The following DYNLT2B variants were observed in gnomAD, a reference collection of about 807,000 sequenced individuals.
DYNLT2B encodes the protein dynein light chain Tctex-type protein 2B.
Under a neutral mutation model 19.5 loss-of-function variants are expected in DYNLT2B, and 14 were observed. That is an observed-to-expected ratio of 0.72 (90% CI 0.47 to 1.12). The LOEUF is 1.12. DYNLT2B is among the 50% of genes most tolerant of loss of function. DYNLT2B has a pLI of 0.00. For synonymous variants in DYNLT2B, 70 were observed against 59.7 expected, an observed-to-expected ratio of 1.17 and a Z score of -0.79; for missense variants, 133 against 174.7, an observed-to-expected ratio of 0.76 and a Z score of 1.35.
chr3:196,300,028 G>A (rs1726312813), intron 3 of DYNLT2B, among the ~76,000 whole-genome samples: 1 of 152,142 alleles, frequency 6.6e-6, no homozygotes, highest in Admixed American at 6.6e-5. Flanking sequence ...TCAGAGAGTT[G>A]AAGATGCTGT....
At chr3:196,307,783 G>A (rs1442256582) in intron 2 of DYNLT2B, among the ~76,000 whole-genome samples, 2 of 150,280 alleles carry the variant, frequency 1.3e-5, no homozygotes, top group African/African-American at 4.9e-5. Context: ...GAACTCAAAG[G>A]AAAATAGAAA....
rs201613835 is a variant in DYNLT2B at position 196,317,181 on chromosome 3, G to T, written c.113+859C>A. Among the ~76,000 whole-genome samples, 17 of 66,406 alleles carry T rather than the reference G, an allele frequency of 2.6e-4. 1 individual carries two copies. Among genetic ancestry groups the T allele is most frequent in the East Asian group, 5.8e-4 (1 of 1,720 alleles). The allele number at this position is 66,406 out of a possible 152,430, so 43.6% of individuals were successfully genotyped here. A position where few individuals can be genotyped will look rare whatever the true frequency, so the allele number is the denominator to read the frequency against. On this transcript the variant is annotated intron_variant, in intron 1 of 4. Transcript: ENST00000325318. ...TGTGTGTGTGTGTGTGTGTGTGTGT[G>T]TTGTGTGTGTGTGTGTAAAGTTAGT...
intron 1 of DYNLT2B, among the ~76,000 whole-genome samples, chr3:196,316,805 GGT>G (rs138822134): frequency 7.4e-5 from 11 of 148,616 alleles, no homozygotes; most frequent in Admixed American, 1.4e-4. Flanking sequence ...GCAAATATGG[GGT>G]GTGTGTGTGT....
chr3:196,292,587 G>A (rs1726117673), intron 4 of DYNLT2B: 2 of 152,142 alleles, frequency 1.3e-5, no homozygotes, highest in African/African-American at 4.8e-5. Flanking sequence ...CTGCACAGAA[G>A]ATTACTTTGT....
Position 196,291,295 on chromosome 3 carries a change from T to G in DYNLT2B, c.*32A>C. On this transcript the variant is annotated 3_prime_UTR_variant, in exon 5 of 5. Coordinates refer to ENST00000325318, the MANE Select transcript of DYNLT2B (RefSeq NM_152773.5). ...TTAAAAAGTTCAGATTTCTTCATGG[T>G]CATGTCTTTTACCAGCTTTTCAAAG... 6.3e-7 allele frequency: 1 copy of G among 1,592,940 alleles called. No homozygotes were observed. Among genetic ancestry groups the G allele is most frequent in the East Asian group, 2.2e-5 (1 of 44,526 alleles).
chr3:196,307,423 C>T (rs974044108), intron 2 of DYNLT2B, among the ~76,000 whole-genome samples: 6 of 152,088 alleles, frequency 3.9e-5, no homozygotes, highest in African/African-American at 1.4e-4. Context: ...CTACCTCAGC[C>T]TCCTCAGTAG....
chr3:196,317,043 TGTTGTGTGGTGTG>T lies in DYNLT2B; in HGVS notation c.114-825_114-813del, dbSNP rs1278421496. On this transcript the variant is annotated intron_variant, in intron 1 of 4. Transcript: ENST00000325318. The stretch of plus-strand genomic sequence containing the variant: ...TTCAGTGTGTGTGTGTGTGTGTGTG[TGTTGTGTGGTGTG>T]TGTGTGGTGTGTGTGTGTGTGTGTG... Among the ~76,000 whole-genome samples, 11 of 123,436 alleles carry T rather than the reference TGTTGTGTGGTGTG, an allele frequency of 8.9e-5. 1 individual carries two copies. Among genetic ancestry groups the T allele is most frequent in the East Asian group, 2.8e-4 (1 of 3,548 alleles). The allele number at this position is 123,436 out of a possible 152,430, so 81.0% of individuals were successfully genotyped here. A position where few individuals can be genotyped will look rare whatever the true frequency, so the allele number is the denominator to read the frequency against.
intron 2 of DYNLT2B, among the ~76,000 whole-genome samples, chr3:196,312,284 C>T (rs995703015): frequency 6.6e-6 from 1 of 152,038 alleles, no homozygotes; most frequent in African/African-American, 2.4e-5. Context: ...TCCCAAAGTG[C>T]TGGGAATACA....
intron 2 of DYNLT2B, among the ~76,000 whole-genome samples, chr3:196,308,044 G>A (rs912942511): frequency 1.4e-5 from 2 of 142,554 alleles, no homozygotes; most frequent in Non-Finnish European, 3.0e-5. Context: ...TCGCACCATT[G>A]CACACTAGCC....
chr3:196,291,537 G>GGT (rs1726095898), intron 4 of DYNLT2B, among the ~76,000 whole-genome samples, 163 bp from the exon 5 acceptor site: 1 of 152,058 alleles, frequency 6.6e-6, no homozygotes, highest in South Asian at 2.1e-4. Flanking sequence ...GGAGTGCAGT[G>GGT]GTGTGATCTC....
At chr3:196,312,640 G>A (rs772703527) in intron 2 of DYNLT2B, among the ~76,000 whole-genome samples, 2 of 151,714 alleles carry the variant, frequency 1.3e-5, no homozygotes, top group Non-Finnish European at 2.9e-5. Flanking sequence ...TGTATTTTTC[G>A]TAGAGACGGG....
At chr3:196,311,317 A>C (rs1726636503) in intron 2 of DYNLT2B, among the ~76,000 whole-genome samples, 1 of 151,738 alleles carries the variant, frequency 6.6e-6, no homozygotes, top group Admixed American at 6.6e-5. Context: ...TGGGAGGCGG[A>C]GATGGGAGGA....
intron 4 of DYNLT2B, among the ~76,000 whole-genome samples, chr3:196,294,782 C>A (rs1726181691): frequency 6.6e-6 from 1 of 152,136 alleles, no homozygotes; most frequent in African/African-American, 2.4e-5. Context: ...GCTGCCCAGG[C>A]TGGAATGCAG....
chr3:196,312,148 G>A (rs1726660270), intron 2 of DYNLT2B, among the ~76,000 whole-genome samples: 1 of 152,190 alleles, frequency 6.6e-6, no homozygotes, highest in African/African-American at 2.4e-5. Context: ...CCTAAGTGCT[G>A]GGATTACAGG....
At chr3:196,317,180 T>TG (rs1726864953) in intron 1 of DYNLT2B, among the ~76,000 whole-genome samples, 3 of 84,452 alleles carry the variant, frequency 3.6e-5, no homozygotes, top group Admixed American at 1.3e-4. Flanking sequence ...TGTGTGTGTG[T>TG]GTTGTGTGTG....
intron 1 of DYNLT2B, 64 bp from the exon 2 acceptor site, chr3:196,316,295 G>A (rs1430293086): frequency 9.9e-5 from 148 of 1,500,144 alleles, no homozygotes; most frequent in East Asian, 4.3e-4. Context: ...CCTTCATACC[G>A]CAACTTCTCC....
In DYNLT2B at chr3:196,295,988, G is replaced by A. The variant is rs777047279; in HGVS notation, c.381+18C>T. On this transcript the variant is annotated intron_variant, in intron 4 of 4. Coordinates refer to ENST00000325318, the MANE Select transcript of DYNLT2B (RefSeq NM_152773.5). ...CCACGTTCTTAGAAAGGGAAAAGAG[G>A]TTTCCAAATACACTTACATTCATGA... 6.2e-7 allele frequency: 1 copy of A among 1,607,534 alleles called. No individual in the cohort carries two copies.
Position 196,291,294 on chromosome 3 carries a change from G to A in DYNLT2B, c.*33C>T, listed in dbSNP as rs1375541533. 1 of 1,588,128 alleles carries A rather than the reference G, an allele frequency of 6.3e-7. No individual in the cohort carries two copies. The highest frequency in any genetic ancestry group is 8.6e-7 in the Non-Finnish European group (1 of 1,167,274). ...ATTAAAAAGTTCAGATTTCTTCATG[G>A]TCATGTCTTTTACCAGCTTTTCAAA... is the stretch of plus-strand genomic sequence containing the variant. On this transcript the variant is annotated 3_prime_UTR_variant, in exon 5 of 5. Transcript: ENST00000325318.
chr3:196,313,845 T>C (rs1726702511), intron 2 of DYNLT2B, among the ~76,000 whole-genome samples: 1 of 151,894 alleles, frequency 6.6e-6, no homozygotes, highest in South Asian at 2.1e-4. Flanking sequence ...CGCCTGTAAT[T>C]CCACCACTTT....
Sources: gnomAD v4.1 joint callset for allele counts (sites outside exome capture counted in the v4.1 genomes callset) on GRCh38, gnomAD v4.1.1 for gene constraint, MANE v1.5 for transcripts, NCBI Gene and HGNC (gene_info 2026-07-23, HGNC 2026-07-21) for gene names.